TRMT2B: variants seen among roughly 807,000 people sequenced by gnomAD.
TRMT2B encodes tRNA (uracil-5-)-methyltransferase homolog B.
TRMT2B carries 34 observed loss-of-function variants against 39.7 expected under a neutral mutation model. The observed-to-expected ratio is 0.86, with a 90% confidence interval of 0.65 to 1.14. TRMT2B has a LOEUF of 1.14. Among genes scored for constraint, TRMT2B ranks in the 50% most tolerant of loss-of-function variants. The probability of loss-of-function intolerance (pLI) is 0.00; values close to 1 mark genes in which losing one functional copy is unlikely to be tolerated. For missense variants in TRMT2B, 318 were observed against 377.2 expected (o/e 0.84, Z 1.30); for synonymous variants, 132 against 137.3 (o/e 0.96, Z 0.27).
At position 101,031,506 on chromosome X, in the gene TRMT2B, G is replaced by A. The variant is rs145761548; in HGVS notation, c.609+4107C>T. Among the ~76,000 whole-genome samples the A allele has an allele frequency of 1.1e-3, 119 of 111,364 alleles. 1 individual carries two copies. In the East Asian group the frequency reaches 0.025, roughly 24 times the overall value. ...GCAGATCACCTGAGGTCAACAGTTC[G>A]AGACCAGTCTGGCCAACATGGCAAA... is the stretch of plus-strand genomic sequence containing the variant. On this transcript the variant is annotated intron_variant, in intron 7 of 13. Transcript: ENST00000372936.
chrX:101,050,196 G>A (rs970957029), intron 2 of TRMT2B, among the ~76,000 whole-genome samples: 1 of 111,832 alleles, frequency 8.9e-6, no homozygotes, highest in Admixed American at 9.6e-5. Context: ...GTCCATCTAG[G>A]TCTCTTCCAA....
At chrX:101,048,420 C>T (rs1281891842) in intron 2 of TRMT2B, among the ~76,000 whole-genome samples, 1 of 107,845 alleles carries the variant, frequency 9.3e-6, no homozygotes, top group Non-Finnish European at 1.9e-5. Flanking sequence ...CAGTTAAGAA[C>T]ACAGGCTTTG....
chrX:101,013,489 CA>C (rs1408236142), intron 13 of TRMT2B, among the ~76,000 whole-genome samples: 2 of 110,808 alleles, frequency 1.8e-5, no homozygotes, highest in Non-Finnish European at 3.8e-5. Flanking sequence ...CGGTGGCTCA[CA>C]CCTGTAATCC....
rs1018989861 is a variant in TRMT2B at position 101,051,511 on chromosome X, A to G, written c.-284T>C. 2 of 754,123 alleles carry G rather than the reference A, an allele frequency of 2.7e-6. No individual in the cohort carries two copies. The highest frequency in any genetic ancestry group is 3.1e-6 in the Non-Finnish European group (2 of 639,364). The allele number at this position is 754,123 out of a possible 1,213,427, so 62.1% of individuals were successfully genotyped here. On this transcript the variant is annotated 5_prime_UTR_variant, in exon 2 of 14. Coordinates refer to ENST00000372936, the MANE Select transcript of TRMT2B (RefSeq NM_024917.6). ...GGCAAGTTCTGCCCACTGTGTCTGT[A>G]GGAAGGGTTAACAAAGAGGAGACAC...
chrX:101,042,238 A>G lies in TRMT2B; in HGVS notation c.52T>C (p.Ser18Pro), dbSNP rs1287623480. 8.3e-7 allele frequency: 1 copy of G among 1,212,002 alleles called. No homozygotes were observed. Among genetic ancestry groups the G allele is most frequent in the African/African-American group, 1.7e-5 (1 of 57,947 alleles). ...VPLHSLRYFI[S>P]MVGLFSKPGL... is the part of the protein sequence containing the mutation. Reference sequence around the variant, plus strand: ...GGTTTGGAGAAGAGACCCACCATGGAGATGAAGTATCTGAGGCTGTGCAGT... The same window carrying G: ...GGTTTGGAGAAGAGACCCACCATGGGGATGAAGTATCTGAGGCTGTGCAGT... The change falls in exon 3 of 14, where the codon TCC becomes CCC. Residue 18 changes from serine (S) to proline (P), a missense_variant. Transcript: ENST00000372936.
the TRMT2B span, among the ~76,000 whole-genome samples, chrX:100,985,015 T>C: frequency 3.6e-5 from 4 of 112,371 alleles, no homozygotes; most frequent in Admixed American, 3.8e-4. Context: ...GCTATGACAA[T>C]GGTAAACTCA....
chrX:100,999,088 G>T, the TRMT2B span, among the ~76,000 whole-genome samples: 4 of 111,864 alleles, frequency 3.6e-5, no homozygotes, highest in Non-Finnish European at 1.9e-5. Context: ...CAGAGCAAAG[G>T]CCTCTCCCCT....
At chrX:101,038,371 C>CAAAAAAAAAA (rs57481304) in intron 4 of TRMT2B, among the ~76,000 whole-genome samples, 2 of 35,205 alleles carry the variant, frequency 5.7e-5, no homozygotes, top group Non-Finnish European at 1.1e-4. Flanking sequence ...AACTCCGTCT[C>CAAAAAAAAAA]AAAAAAAAAA....
chrX:101,042,663 T>C (rs887622980), intron 2 of TRMT2B, among the ~76,000 whole-genome samples: 2 of 111,810 alleles, frequency 1.8e-5, no homozygotes, highest in Non-Finnish European at 3.8e-5. Flanking sequence ...CATGCCACAC[T>C]AGACACCAGA....
chrX:101,044,590 G>T (rs995237730), intron 2 of TRMT2B, among the ~76,000 whole-genome samples: 2 of 111,609 alleles, frequency 1.8e-5, no homozygotes, highest in Admixed American at 1.9e-4. Context: ...GGGCGCAGTG[G>T]CTCATGCCTG....
In TRMT2B at chrX:101,044,839, C is replaced by CAA. The variant is rs753968399; in HGVS notation, c.-23-2529_-23-2528dup. ...TGGGCGACAGAGTGAAACTCGGTCT[C>CAA]AAAAAAAAAAAAAAAAAAAAAACCC... On this transcript the variant is annotated intron_variant, in intron 2 of 13. Coordinates refer to ENST00000372936, the MANE Select transcript of TRMT2B (RefSeq NM_024917.6). 8.2e-3 allele frequency among the ~76,000 whole-genome samples: 253 copies of CAA among 30,669 alleles called. 5 individuals carry two copies. The highest frequency in any genetic ancestry group is 0.01 in the African/African-American group (82 of 7,980). The allele number at this position is 30,669 out of a possible 115,157, so 26.6% of individuals were successfully genotyped here.
chrX:100,990,377 A>G, the TRMT2B span: 1 of 933,848 alleles, frequency 1.1e-6, no homozygotes, highest in Non-Finnish European at 1.3e-6. Flanking sequence ...AGAGAAAAAC[A>G]GAGGGAAACC....
chrX:101,017,006 C>A (rs370275065), intron 13 of TRMT2B, among the ~76,000 whole-genome samples: 112 of 110,831 alleles, frequency 1.0e-3, no homozygotes, highest in African/African-American at 3.5e-3. Flanking sequence ...AACCCTGTCT[C>A]TACTAAGAAT....
At chrX:101,012,450 C>T (rs1441979115) in intron 13 of TRMT2B, among the ~76,000 whole-genome samples, 1 of 106,112 alleles carries the variant, frequency 9.4e-6, no homozygotes, top group African/African-American at 3.5e-5. Context: ...TTAGGTATAT[C>T]TCCCAATGCT....
intron 2 of TRMT2B, among the ~76,000 whole-genome samples, chrX:101,044,249 GAAAAAAA>G (rs35472826): frequency 3.2e-4 from 14 of 43,560 alleles, no homozygotes; most frequent in Non-Finnish European, 4.8e-4. Context: ...CTCAAAAAGA[GAAAAAAA>G]AAAAAAAAAA....
At chrX:101,002,652 G>A in the TRMT2B span, among the ~76,000 whole-genome samples, 4 of 110,014 alleles carry the variant, frequency 3.6e-5, no homozygotes, top group African/African-American at 1.3e-4. Context: ...GGTGGCAGGT[G>A]CATGTAATCT....
intron 7 of TRMT2B, among the ~76,000 whole-genome samples, chrX:101,028,627 T>C (rs2087262745): frequency 8.9e-6 from 1 of 111,985 alleles, no homozygotes; most frequent in Admixed American, 9.5e-5. Context: ...AACAGCCAGA[T>C]TGATCATTAA....
intron 13 of TRMT2B, among the ~76,000 whole-genome samples, chrX:101,016,151 TCA>T (rs948797209): frequency 4.5e-5 from 5 of 112,004 alleles, no homozygotes; most frequent in African/African-American, 9.7e-5. Context: ...TTTAGTATAT[TCA>T]CAGAGTTATG....
chrX:101,048,784 G>A (rs1298017400), intron 2 of TRMT2B, among the ~76,000 whole-genome samples: 1 of 112,446 alleles, frequency 8.9e-6, no homozygotes, highest in Non-Finnish European at 1.9e-5. Context: ...TAGCTATGCG[G>A]TTTTAGGTAA....
Sources: gnomAD v4.1 joint callset for allele counts (sites outside exome capture counted in the v4.1 genomes callset) on GRCh38, gnomAD v4.1.1 for gene constraint, MANE v1.5 for transcripts, NCBI Gene and HGNC (gene_info 2026-07-23, HGNC 2026-07-21) for gene names.